The following GLS variants were observed in gnomAD, a reference collection of about 807,000 sequenced individuals.
GLS encodes the protein glutaminase kidney isoform, mitochondrial.
In GLS, 36 loss-of-function variants were observed where a neutral mutation model predicts 86.7. That is an observed-to-expected ratio of 0.42 (90% confidence interval 0.32 to 0.55). GLS has a LOEUF of 0.55. Among genes scored for constraint, GLS ranks in the 20% least tolerant of loss-of-function variants. The pLI, the probability that GLS is intolerant of heterozygous loss-of-function variation, is 0.17. For synonymous variants in GLS, 317 were observed against 305.9 expected, an observed-to-expected ratio of 1.04 and a Z score of -0.38; for missense variants, 528 against 833.4, an observed-to-expected ratio of 0.63 and a Z score of 4.51.
Position 190,913,439 on chromosome 2 carries a change from A to G in GLS, c.1038+3118A>G, listed in dbSNP as rs1160478903. ...AATTTTTAAAAATCATAAGGGTATT[A>G]TACTTCCTCTCTTTTTCTCTGTGGT... On this transcript the variant is annotated intron_variant, in intron 7 of 17. Coordinates refer to ENST00000320717, the MANE Select transcript of GLS (RefSeq NM_014905.5). This position sits in a 1 kb window ranked among gnomAD's most constrained non-coding sequence, Gnocchi z 6.1. 1 of 904,198 alleles carries G rather than the reference A, an allele frequency of 1.1e-6. No individual in the cohort carries two copies. The highest frequency in any genetic ancestry group is 1.4e-6 in the Non-Finnish European group (1 of 726,236). The allele number at this position is 904,198 out of a possible 1,614,324, so 56.0% of individuals were successfully genotyped here.
At chr2:190,940,802 C>T (rs1690404755) in intron 14 of GLS, among the ~76,000 whole-genome samples, 2 of 149,958 alleles carry the variant, frequency 1.3e-5, no homozygotes, top group South Asian at 2.1e-4. Flanking sequence ...GTTTTCTTCT[C>T]TTCATTTCTG....
chr2:190,942,766 T>C (rs1011010790), intron 14 of GLS, among the ~76,000 whole-genome samples: 3 of 152,194 alleles, frequency 2.0e-5, no homozygotes, highest in Non-Finnish European at 4.4e-5. Flanking sequence ...ATCAGGAGGT[T>C]GATTGACAGT....
chr2:190,926,378 A>C (rs185595976), intron 11 of GLS, among the ~76,000 whole-genome samples: 3 of 152,276 alleles, frequency 2.0e-5, no homozygotes, highest in African/African-American at 7.2e-5. Context: ...TCAAAGTTAA[A>C]CACACAATGT....
In GLS at chr2:190,880,826, GGAGCCTTAGGCGGAGC is replaced by G. The variant is rs1380359218; in HGVS notation, c.-256_-241del. ...CTCCCCTGCGCTTTAGCCTCAGTGC[GGAGCCTTAGGCGGAGC>G]GAAGAGAACCGGTCGCGGCAATCCT... On this transcript the variant is annotated 5_prime_UTR_variant, in exon 1 of 18. Transcript: ENST00000320717. 7 of 734,374 alleles carry G rather than the reference GGAGCCTTAGGCGGAGC, an allele frequency of 9.5e-6. No homozygotes were observed. Among genetic ancestry groups the G allele is most frequent in the Non-Finnish European group, 1.6e-5 (7 of 433,628 alleles). 45.5% of individuals were successfully genotyped at this position (734,374 alleles called of 1,614,324 possible). A position where few individuals can be genotyped will look rare whatever the true frequency, so the allele number is the denominator to read the frequency against.
intron 7 of GLS, among the ~76,000 whole-genome samples, chr2:190,915,549 T>A (rs1430826261): frequency 6.6e-6 from 1 of 152,202 alleles, no homozygotes; most frequent in Non-Finnish European, 1.5e-5. Context: ...ATCTTTGGAT[T>A]CCATACTTGG....
At position 190,949,474 on chromosome 2, in the gene GLS, G is replaced by A. The variant is rs560580375; in HGVS notation, c.1651-4091G>A. 2.0e-5 allele frequency among the ~76,000 whole-genome samples: 3 copies of A among 152,132 alleles called. No individual in the cohort carries two copies. Among genetic ancestry groups the A allele is most frequent in the East Asian group, 3.9e-4 (2 of 5,160 alleles). Reference sequence around the variant, plus strand: ...TTTGGGAGGCTGAGGCAGGCAGATCGCTTGAGGTCGGGAGTTTGGGACCAG... The same window carrying A: ...TTTGGGAGGCTGAGGCAGGCAGATCACTTGAGGTCGGGAGTTTGGGACCAG... On this transcript the variant is annotated intron_variant, in intron 14 of 17. Transcript: ENST00000320717. This position sits in a 1 kb window ranked among gnomAD's most constrained non-coding sequence, Gnocchi z 4.0.
chr2:190,901,936 C>G lies in GLS; in HGVS notation c.736-11C>G, dbSNP rs1223630285. The G allele has an allele frequency of 6.5e-7, 1 of 1,547,526 alleles. No individual in the cohort carries two copies. The highest frequency in any genetic ancestry group is 2.2e-5 in the East Asian group (1 of 44,464). ...TTATATCTATTCATTTCTTTCCAAT[C>G]TTTTGGATAGGTTGCAGATTATATT... On this transcript the variant is annotated splice_polypyrimidine_tract_variant and intron_variant, in intron 4 of 17. Transcript: ENST00000320717.
chr2:190,957,979 A>G (rs1326256047), intron 17 of GLS, among the ~76,000 whole-genome samples: 2 of 152,246 alleles, frequency 1.3e-5, no homozygotes, highest in Admixed American at 6.5e-5. Context: ...TTCAGAAGGA[A>G]TGGTACCAGC....
chr2:190,932,874 C>G (rs878952458), intron 14 of GLS: 4 of 1,468,488 alleles, frequency 2.7e-6, no homozygotes, highest in Admixed American at 2.3e-5. Context: ...GAAATGGGTT[C>G]TAGTTTCAGA....
intron 9 of GLS, 145 bp from the exon 10 acceptor site, chr2:190,923,772 C>T: frequency 1.7e-6 from 1 of 579,138 alleles, no homozygotes; most frequent in Non-Finnish European, 3.1e-6. Context: ...CACAAATAGC[C>T]TATTGACAGA....
chr2:190,959,598 A>C (rs972275574), intron 17 of GLS, among the ~76,000 whole-genome samples: 2 of 152,186 alleles, frequency 1.3e-5, no homozygotes, highest in Admixed American at 1.3e-4. Context: ...TAGACAAGAC[A>C]AACCTTTAGA....
chr2:190,962,688 C>CTAT lies in GLS; in HGVS notation c.1854-136_1854-134dup. On this transcript the variant is annotated intron_variant, in intron 17 of 17. Transcript: ENST00000320717. This position sits in a 1 kb window ranked among gnomAD's most constrained non-coding sequence, Gnocchi z 4.2. ...GAATTATAAATCCCTTTCTGCATTT[C>CTAT]TATTATTAATTTTTATTTGTAAAAT... 2.3e-6 allele frequency: 1 copy of CTAT among 441,976 alleles called. No homozygotes were observed. The highest frequency in any genetic ancestry group is 3.9e-6 in the Non-Finnish European group (1 of 255,372). The allele number at this position is 441,976 out of a possible 1,614,324, so 27.4% of individuals were successfully genotyped here.
chr2:190,931,640 A>G lies in GLS; in HGVS notation c.1650+3A>G, dbSNP rs766200991. The G allele has an allele frequency of 7.1e-7, 1 of 1,417,270 alleles. No homozygotes were observed. Among genetic ancestry groups the G allele is most frequent in the South Asian group, 1.2e-5 (1 of 83,058 alleles). The allele number at this position is 1,417,270 out of a possible 1,614,324, so 87.8% of individuals were successfully genotyped here. A position where few individuals can be genotyped will look rare whatever the true frequency, so the allele number is the denominator to read the frequency against. ...GAAGAGAAGGTGGTGATCAAAGGGT[A>G]AGCAAAATTCTTATTTAGATAAGTA... On this transcript the variant is annotated splice_donor_region_variant and intron_variant, in intron 14 of 17. Transcript: ENST00000320717.
chr2:190,904,016 C>G (rs1689044330), intron 5 of GLS, among the ~76,000 whole-genome samples: 1 of 152,136 alleles, frequency 6.6e-6, no homozygotes, highest in African/African-American at 2.4e-5. Flanking sequence ...AATCTTTTCT[C>G]TACTTCATGT....
chr2:190,899,124 TTGA>T (rs1478731990), intron 3 of GLS, among the ~76,000 whole-genome samples: 2 of 152,220 alleles, frequency 1.3e-5, no homozygotes, highest in Admixed American at 6.5e-5. Context: ...AAGGTGTTCT[TTGA>T]TGTACATCTC....
chr2:190,902,397 T>A (rs2124844617), intron 5 of GLS, among the ~76,000 whole-genome samples: 1 of 152,284 alleles, frequency 6.6e-6, no homozygotes, highest in Middle Eastern at 3.4e-3. Context: ...CCATCTGTCG[T>A]TGTCTTTGTT....
intron 17 of GLS, among the ~76,000 whole-genome samples, chr2:190,957,124 T>C (rs1185555752): frequency 1.3e-5 from 2 of 152,224 alleles, no homozygotes; most frequent in Non-Finnish European, 2.9e-5. Flanking sequence ...AGAGTCTCGC[T>C]CTGTCAGCCA....
At chr2:190,929,616 C>T (rs1690033612) in intron 12 of GLS, among the ~76,000 whole-genome samples, 1 of 151,156 alleles carries the variant, frequency 6.6e-6, no homozygotes, top group African/African-American at 2.4e-5. Flanking sequence ...ATTACAGGTG[C>T]CTGCCACCAC....
chr2:190,906,757 T>G (rs530425093), intron 6 of GLS, among the ~76,000 whole-genome samples: 1 of 152,230 alleles, frequency 6.6e-6, no homozygotes, highest in East Asian at 1.9e-4. Context: ...TATTTAAAAT[T>G]GCAAGGGTAG....
Sources: gnomAD v4.1 joint callset for allele counts (sites outside exome capture counted in the v4.1 genomes callset) on GRCh38, gnomAD v4.1.1 for gene constraint, Gnocchi (gnomAD v3.1) non-coding constraint, MANE v1.5 for transcripts, NCBI Gene and HGNC (gene_info 2026-07-23, HGNC 2026-07-21) for gene names.